ATP10B: variants seen among roughly 807,000 people sequenced by gnomAD.
ATP10B encodes ATPase phospholipid transporting 10B (putative).
ATP10B carries 122 observed loss-of-function variants against 141.2 expected under a neutral mutation model. That is an observed-to-expected ratio of 0.86 (90% confidence interval 0.75 to 1.00). ATP10B has a LOEUF of 1.00. Ranked by LOEUF, ATP10B falls within the 50% of genes least tolerant of loss-of-function variation. ATP10B has a pLI of 0.00. For missense variants in ATP10B, 1,876 were observed against 1,825.3 expected, an observed-to-expected ratio of 1.03 and a Z score of -0.51; for synonymous variants, 685 against 692.0, an observed-to-expected ratio of 0.99 and a Z score of 0.16.
chr5:160,847,941 G>A (rs1487656618), intron 1 of ATP10B, among the ~76,000 whole-genome samples: 2 of 152,032 alleles, frequency 1.3e-5, no homozygotes, highest in African/African-American at 2.4e-5. Flanking sequence ...GTATATCAGC[G>A]CCCACATCTC....
chr5:160,667,836 G>T (rs946869904), intron 7 of ATP10B, among the ~76,000 whole-genome samples: 2 of 152,160 alleles, frequency 1.3e-5, no homozygotes, highest in African/African-American at 4.8e-5. Context: ...ACACTGAAAT[G>T]ACTGCCAGAG....
the ATP10B span, among the ~76,000 whole-genome samples, chr5:160,919,026 C>T: frequency 6.6e-6 from 1 of 150,474 alleles, no homozygotes; most frequent in African/African-American, 2.5e-5. Flanking sequence ...GAGATCAAGA[C>T]CATCCTGGCT....
At chr5:160,778,673 T>A (rs947392680) in intron 2 of ATP10B, among the ~76,000 whole-genome samples, 9 of 147,094 alleles carry the variant, frequency 6.1e-5, no homozygotes, top group Non-Finnish European at 1.1e-4. Flanking sequence ...CCAAAAATAT[T>A]GACTTTTTTA....
chr5:160,833,167 A>C (rs1350995299), intron 1 of ATP10B, among the ~76,000 whole-genome samples: 1 of 152,204 alleles, frequency 6.6e-6, no homozygotes, highest in Non-Finnish European at 1.5e-5. Flanking sequence ...TAGAGAGCAG[A>C]GAGAAAATAT....
intron 2 of ATP10B, among the ~76,000 whole-genome samples, chr5:160,749,186 T>C (rs1767993714): frequency 6.6e-6 from 1 of 152,206 alleles, no homozygotes; most frequent in African/African-American, 2.4e-5. Flanking sequence ...CCTTAGACAG[T>C]TGACACACAG....
intron 2 of ATP10B, among the ~76,000 whole-genome samples, chr5:160,744,269 C>T (rs1439282025): frequency 6.6e-6 from 1 of 152,140 alleles, no homozygotes; most frequent in Non-Finnish European, 1.5e-5. Context: ...GGCTCAGAGG[C>T]CCAGGATTGC....
intron 2 of ATP10B, among the ~76,000 whole-genome samples, chr5:160,750,817 G>T (rs1250762313): frequency 1.3e-5 from 2 of 152,174 alleles, no homozygotes; most frequent in African/African-American, 4.8e-5. Context: ...CTCCACTCCA[G>T]CCGGAAGGAA....
intron 1 of ATP10B, among the ~76,000 whole-genome samples, chr5:160,830,883 C>A (rs1021033268): frequency 6.6e-6 from 1 of 151,754 alleles, no homozygotes; most frequent in Non-Finnish European, 1.5e-5. Flanking sequence ...CCAAACAATA[C>A]CTTTGGTTAA....
At chr5:160,838,465 C>T (rs750932705) in intron 1 of ATP10B, among the ~76,000 whole-genome samples, 2 of 152,118 alleles carry the variant, frequency 1.3e-5, no homozygotes, top group Non-Finnish European at 2.9e-5. Flanking sequence ...TATTTGAGAG[C>T]CTCAAAATAC....
chr5:160,868,059 G>A, the ATP10B span, among the ~76,000 whole-genome samples: 341 of 152,170 alleles, frequency 2.2e-3, 1 homozygote, highest in African/African-American at 7.7e-3. Flanking sequence ...GTGTCACAGC[G>A]TCACAAGGCA....
chr5:160,582,558 C>T (rs1755623804), intron 24 of ATP10B, among the ~76,000 whole-genome samples: 1 of 152,194 alleles, frequency 6.6e-6, no homozygotes, highest in African/African-American at 2.4e-5. Flanking sequence ...ACCTTTCTCT[C>T]TGGTTGCCCT....
intron 7 of ATP10B, among the ~76,000 whole-genome samples, chr5:160,659,092 T>A (rs1317664087): frequency 3.9e-5 from 6 of 152,228 alleles, no homozygotes; most frequent in Non-Finnish European, 8.8e-5. Flanking sequence ...CTGGAGGTGG[T>A]GGGAAGGAGA....
chr5:160,615,581 G>T (rs375742799), intron 17 of ATP10B, among the ~76,000 whole-genome samples: 3 of 151,912 alleles, frequency 2.0e-5, no homozygotes, highest in Non-Finnish European at 4.4e-5. Flanking sequence ...GGAAGAGTGT[G>T]CTGTTGGAAA....
chr5:160,736,852 G>A (rs1225415866), intron 2 of ATP10B, among the ~76,000 whole-genome samples: 4 of 152,108 alleles, frequency 2.6e-5, no homozygotes, highest in Admixed American at 2.0e-4. Flanking sequence ...AACTAATACC[G>A]ATCCTGCTCA....
At chr5:160,884,296 C>T in the ATP10B span, among the ~76,000 whole-genome samples, 1 of 152,156 alleles carries the variant, frequency 6.6e-6, no homozygotes, top group Non-Finnish European at 1.5e-5. Context: ...GTTTTCACAT[C>T]TTCCAGGTAG....
At position 160,852,164 on chromosome 5, in the gene ATP10B, G is replaced by A. The variant is rs537342504; in HGVS notation, c.-799C>T. On this transcript the variant is annotated 5_prime_UTR_variant, in exon 1 of 26. Transcript: ENST00000327245. ...CTGAAAAGAAATAACTGTGACCAAT[G>A]AAAGAAAAAGGAAAAATAAGCTGCC... The A allele has an allele frequency of 5.9e-5, 9 of 152,300 alleles. No homozygotes were observed. Among genetic ancestry groups the A allele is most frequent in the African/African-American group, 2.2e-4 (9 of 41,586 alleles). The allele number at this position is 152,300 out of a possible 1,614,324, so 9.4% of individuals were successfully genotyped here. A position where few individuals can be genotyped will look rare whatever the true frequency, so the allele number is the denominator to read the frequency against.
the ATP10B span, among the ~76,000 whole-genome samples, chr5:160,876,831 C>T: frequency 6.7e-6 from 1 of 149,236 alleles, no homozygotes; most frequent in Admixed American, 6.7e-5. Flanking sequence ...CAAGACTAAA[C>T]CAGGAAGAAG....
intron 2 of ATP10B, among the ~76,000 whole-genome samples, chr5:160,772,082 C>G (rs543818636): frequency 6.6e-6 from 1 of 152,214 alleles, no homozygotes; most frequent in African/African-American, 2.4e-5. Flanking sequence ...CTGCAGTGAA[C>G]GTGAGAGCAG....
intron 1 of ATP10B, among the ~76,000 whole-genome samples, chr5:160,838,462 G>A (rs1288753945): frequency 2.0e-5 from 3 of 152,130 alleles, no homozygotes; most frequent in Non-Finnish European, 2.9e-5. Flanking sequence ...CTCTATTTGA[G>A]AGCCTCAAAA....
Sources: gnomAD v4.1 joint callset for allele counts (sites outside exome capture counted in the v4.1 genomes callset) on GRCh38, gnomAD v4.1.1 for gene constraint, MANE v1.5 for transcripts, NCBI Gene and HGNC (gene_info 2026-07-23, HGNC 2026-07-21) for gene names.